PCLO: variants seen among roughly 807,000 people sequenced by gnomAD.
PCLO encodes piccolo presynaptic cytomatrix protein, also known as protein piccolo.
In PCLO, 82 loss-of-function variants were observed where a neutral mutation model predicts 427.5. That is an observed-to-expected ratio of 0.19 (90% confidence interval 0.16 to 0.23). PCLO has a LOEUF of 0.23. Among genes scored for constraint, PCLO ranks in the 10% least tolerant of loss-of-function variants. The pLI is 1.00. For missense variants in PCLO, 6,239 were observed against 6,115.9 expected, an observed-to-expected ratio of 1.02 and a Z score of -0.67; for synonymous variants, 2,357 against 2,155.4, an observed-to-expected ratio of 1.09 and a Z score of -2.59.
At chr7:83,125,229 G>C (rs1056083470) in intron 3 of PCLO, among the ~76,000 whole-genome samples, 1 of 151,924 alleles carries the variant, frequency 6.6e-6, no homozygotes, top group African/African-American at 2.4e-5. Flanking sequence ...TCTGGGATGT[G>C]AGGAGTGCCT....
At chr7:82,902,833 T>C in intron 8 of PCLO, 92 bp from the exon 9 acceptor site, 1 of 673,938 alleles carries the variant, frequency 1.5e-6, no homozygotes, top group Non-Finnish European at 2.7e-6. Context: ...CAAAGCACAT[T>C]GATTAAATCA....
chr7:82,933,508 A>G (rs935199110), intron 6 of PCLO, among the ~76,000 whole-genome samples: 3 of 151,724 alleles, frequency 2.0e-5, no homozygotes, highest in Admixed American at 1.3e-4. Context: ...TCACAGCATC[A>G]CCCTTACAAG....
chr7:83,108,142 T>C (rs1453343676), intron 3 of PCLO, among the ~76,000 whole-genome samples: 2 of 152,086 alleles, frequency 1.3e-5, no homozygotes, highest in Non-Finnish European at 2.9e-5. Flanking sequence ...TCAAAGAAAT[T>C]GTGTGTTTGT....
At chr7:82,977,979 G>A (rs1376977735) in intron 3 of PCLO, among the ~76,000 whole-genome samples, 1 of 152,022 alleles carries the variant, frequency 6.6e-6, no homozygotes, top group Non-Finnish European at 1.5e-5. Context: ...GAGTTGCAGA[G>A]TATCATTTTT....
intron 20 of PCLO, among the ~76,000 whole-genome samples, chr7:82,818,896 C>T (rs993641409): frequency 1.8e-4 from 27 of 152,130 alleles, no homozygotes; most frequent in Non-Finnish European, 3.8e-4. Context: ...TGGGATTATA[C>T]GAACTCCATT....
intron 2 of PCLO, among the ~76,000 whole-genome samples, chr7:83,149,111 T>C (rs1193110171): frequency 6.6e-6 from 1 of 152,168 alleles, no homozygotes; most frequent in South Asian, 2.1e-4. Context: ...CACCCTTTCA[T>C]TTGTGGATTA....
intron 2 of PCLO, among the ~76,000 whole-genome samples, chr7:83,144,562 GAT>G (rs1336459071): frequency 6.6e-6 from 1 of 151,824 alleles, no homozygotes; most frequent in Non-Finnish European, 1.5e-5. Context: ...ATTTTACATA[GAT>G]ATATGTATAA....
At chr7:82,896,291 A>G (rs1793902506) in intron 9 of PCLO, among the ~76,000 whole-genome samples, 1 of 151,870 alleles carries the variant, frequency 6.6e-6, no homozygotes, top group South Asian at 2.1e-4. Context: ...TTTTTAAACA[A>G]TGGAACATAT....
intron 9 of PCLO, among the ~76,000 whole-genome samples, chr7:82,893,139 C>G (rs979040998): frequency 1.1e-4 from 16 of 151,980 alleles, no homozygotes; most frequent in Admixed American, 2.6e-4. Flanking sequence ...GTTATTGCGG[C>G]ACTATTCACA....
chr7:82,903,684 T>A (rs1794114239), intron 8 of PCLO, among the ~76,000 whole-genome samples: 1 of 152,006 alleles, frequency 6.6e-6, no homozygotes, highest in Admixed American at 6.6e-5. Flanking sequence ...TATGGAATTT[T>A]GTATGTATTG....
At chr7:82,960,332 T>A (rs1324003575) in intron 4 of PCLO, among the ~76,000 whole-genome samples, 1 of 152,180 alleles carries the variant, frequency 6.6e-6, no homozygotes. Flanking sequence ...GATGCTCTCA[T>A]CTAAGCACTA....
intron 9 of PCLO, among the ~76,000 whole-genome samples, chr7:82,901,953 C>T (rs1447345781): frequency 6.3e-4 from 95 of 151,098 alleles, no homozygotes; most frequent in Admixed American, 4.0e-3. Flanking sequence ...TGTGGAGAAA[C>T]AGGAACACTT....
At chr7:82,786,753 C>T (rs536099513) in intron 22 of PCLO, among the ~76,000 whole-genome samples, 1 of 152,026 alleles carries the variant, frequency 6.6e-6, no homozygotes, top group South Asian at 2.1e-4. Context: ...TCCCCACCCC[C>T]CAACAGGCCC....
At chr7:82,766,904 C>T (rs575584055) in intron 22 of PCLO, among the ~76,000 whole-genome samples, 3 of 152,182 alleles carry the variant, frequency 2.0e-5, no homozygotes, top group South Asian at 2.1e-4. Flanking sequence ...AAAGATTGAA[C>T]GAGCTTGTTC....
At chr7:82,962,650 G>A (rs1795679311) in intron 4 of PCLO, among the ~76,000 whole-genome samples, 1 of 151,854 alleles carries the variant, frequency 6.6e-6, no homozygotes, top group Non-Finnish European at 1.5e-5. Context: ...TAGCCTCAAT[G>A]TAGAGTGATT....
At chr7:82,940,930 T>A (rs1470231553) in intron 6 of PCLO, among the ~76,000 whole-genome samples, 2 of 151,348 alleles carry the variant, frequency 1.3e-5, no homozygotes, top group Non-Finnish European at 3.0e-5. Context: ...GCCCGGCTAA[T>A]TTTTTGTATT....
chr7:82,782,521 T>C (rs1393167144), intron 22 of PCLO, among the ~76,000 whole-genome samples: 1 of 152,214 alleles, frequency 6.6e-6, no homozygotes, highest in African/African-American at 2.4e-5. Flanking sequence ...GTAAATCTAC[T>C]GTGGCAACAT....
chr7:82,839,119 T>C (rs1792303518), intron 14 of PCLO, among the ~76,000 whole-genome samples: 1 of 152,078 alleles, frequency 6.6e-6, no homozygotes, highest in Non-Finnish European at 1.5e-5. Context: ...TCTTTTGGCA[T>C]CATTTAGAAT....
chr7:83,131,454 T>C (rs1045815801), intron 3 of PCLO, among the ~76,000 whole-genome samples: 4 of 151,962 alleles, frequency 2.6e-5, no homozygotes, highest in African/African-American at 9.7e-5. Context: ...TGACAAAATA[T>C]GACGAGCTCT....
Sources: allele counts gnomAD v4.1 joint callset (sites outside exome capture counted in the v4.1 genomes callset), GRCh38; gene constraint gnomAD v4.1.1; transcripts MANE v1.5; gene names NCBI Gene and HGNC (gene_info 2026-07-23, HGNC 2026-07-21).